The following ANO10 variants were observed in gnomAD, a reference collection of about 807,000 sequenced individuals.
The protein encoded by ANO10 is anoctamin 10, also known as anoctamin-10.
A neutral mutation model predicts 74.7 loss-of-function variants in ANO10; 77 were observed. That is an observed-to-expected ratio of 1.03 (90% CI 0.86 to 1.25). The LOEUF (loss-of-function observed/expected upper bound fraction) is 1.25, where lower values mean the gene tolerates loss of function less well. Among genes scored for constraint, ANO10 ranks in the 50% most tolerant of loss-of-function variants. The probability of loss-of-function intolerance (pLI) is 0.00; values close to 1 mark genes in which losing one functional copy is unlikely to be tolerated. For missense variants in ANO10, 721 were observed against 778.1 expected (o/e 0.93, Z 0.87); for synonymous variants, 279 against 284.9 (o/e 0.98, Z 0.21).
chr3:43,658,455 A>ATTAT (rs1553611120), intron 1 of ANO10, among the ~76,000 whole-genome samples: 2 of 150,768 alleles, frequency 1.3e-5, no homozygotes, highest in African/African-American at 4.9e-5. Context: ...ACCAAAGTTT[A>ATTAT]TATTATTATT....
chr3:43,591,439 C>T (rs183879405), intron 4 of ANO10, among the ~76,000 whole-genome samples: 186 of 152,294 alleles, frequency 1.2e-3, no homozygotes, highest in Non-Finnish European at 2.2e-3. Context: ...ACACTCACTG[C>T]ATGGCCCAAG....
intron 12 of ANO10, among the ~76,000 whole-genome samples, chr3:43,424,316 G>C (rs1179758742): frequency 6.6e-6 from 1 of 152,178 alleles, no homozygotes; most frequent in African/African-American, 2.4e-5. Flanking sequence ...GGCAAAGGCC[G>C]AACTAACTTT....
chr3:43,405,631 GC>G (rs2092562387), intron 12 of ANO10, among the ~76,000 whole-genome samples: 1 of 152,122 alleles, frequency 6.6e-6, no homozygotes, highest in East Asian at 1.9e-4. Flanking sequence ...GCACTATCAC[GC>G]CCGGTTAATT....
chr3:43,655,717 T>TA (rs1367242934), intron 1 of ANO10, among the ~76,000 whole-genome samples: 20 of 152,116 alleles, frequency 1.3e-4, no homozygotes, highest in African/African-American at 2.4e-4. Context: ...AGCAGCTAGA[T>TA]AGAGTGTTGA....
intron 8 of ANO10, among the ~76,000 whole-genome samples, chr3:43,563,816 T>C (rs1269237706): frequency 6.6e-6 from 1 of 151,962 alleles, no homozygotes; most frequent in African/African-American, 2.4e-5. Flanking sequence ...CTCATAGAGA[T>C]AGAGTGGGAC....
chr3:43,424,927 A>G (rs2092875890), intron 12 of ANO10, among the ~76,000 whole-genome samples: 1 of 152,132 alleles, frequency 6.6e-6, no homozygotes, highest in African/African-American at 2.4e-5. Flanking sequence ...CAGACAGGCC[A>G]CCCAAATGAT....
At chr3:43,674,700 G>A (rs2084100063) in intron 1 of ANO10, among the ~76,000 whole-genome samples, 1 of 152,190 alleles carries the variant, frequency 6.6e-6, no homozygotes, top group African/African-American at 2.4e-5. Context: ...AAGAGGGACT[G>A]GGTAGAGAGG....
chr3:43,600,279 C>T, intron 3 of ANO10, 105 bp downstream of exon 3: 1 of 1,284,440 alleles, frequency 7.8e-7, no homozygotes, highest in South Asian at 1.2e-5. Context: ...AAAATATTTA[C>T]TATTTGACCC....
intron 1 of ANO10, among the ~76,000 whole-genome samples, chr3:43,617,606 T>A (rs2083183110): frequency 7.1e-6 from 1 of 140,572 alleles, no homozygotes; most frequent in Non-Finnish European, 1.7e-5. Flanking sequence ...AGAAACACAC[T>A]GTGAGTTCAC....
chr3:43,483,319 T>A (rs191478490), intron 11 of ANO10, among the ~76,000 whole-genome samples: 1 of 152,356 alleles, frequency 6.6e-6, no homozygotes, highest in East Asian at 1.9e-4. Flanking sequence ...AGAGTTTTGG[T>A]GACCTTACAA....
intron 11 of ANO10, among the ~76,000 whole-genome samples, chr3:43,459,439 G>A (rs1292215524): frequency 6.6e-6 from 1 of 152,198 alleles, no homozygotes; most frequent in Non-Finnish European, 1.5e-5. Context: ...AAGAGGCTAA[G>A]GGTGAGGGAG....
Position 43,686,987 on chromosome 3 carries a change from G to C in ANO10, c.-12+4530C>G, listed in dbSNP as rs2084283910. On this transcript the variant is annotated intron_variant, in intron 1 of 3. Transcript: ENST00000413397. ...CTGCATGCAAATTAGAGTCCAAGAA[G>C]CCCTAAAGTCATGTGATTTTTTTTT... Among the ~76,000 whole-genome samples, 14 of 151,426 alleles carry C rather than the reference G, an allele frequency of 9.2e-5. No individual in the cohort carries two copies. In the South Asian group the frequency reaches 2.9e-3, roughly 32 times the overall value.
At chr3:43,544,206 T>A (rs1414069804) in intron 11 of ANO10, among the ~76,000 whole-genome samples, 1 of 152,170 alleles carries the variant, frequency 6.6e-6, no homozygotes, top group African/African-American at 2.4e-5. Flanking sequence ...ATTGATTTAA[T>A]CTTGAGAGCT....
chr3:43,686,872 A>G (rs899233500), intron 1 of ANO10, among the ~76,000 whole-genome samples: 3 of 152,188 alleles, frequency 2.0e-5, no homozygotes, highest in Non-Finnish European at 4.4e-5. Flanking sequence ...GAACACAGGC[A>G]TAACTAGGAG....
rs2080030333 is a variant in ANO10 at position 43,561,403 on chromosome 3, C to T, written c.1294-1G>A. On this transcript the variant is annotated splice_acceptor_variant, in intron 8 of 12. Transcript: ENST00000292246. LOFTEE classifies it high-confidence loss of function. ...AGGTAATTAGGAGAGTGGCCAAGCTCTAAAGAGAAGCACACAAATCACATT... is the reference window on the plus strand; with the variant it reads ...AGGTAATTAGGAGAGTGGCCAAGCTTTAAAGAGAAGCACACAAATCACATT... 1 of 1,613,582 alleles carries T rather than the reference C, an allele frequency of 6.2e-7. No homozygotes were observed. The highest frequency in any genetic ancestry group is 1.7e-5 in the Admixed American group (1 of 59,982).
At chr3:43,614,801 A>ATATATATATATG (rs61457264) in intron 1 of ANO10, among the ~76,000 whole-genome samples, 2,141 of 99,210 alleles carry the variant, frequency 0.022, 276 homozygotes, top group East Asian at 0.081. Context: ...ATATATATAT[A>ATATATATATATG]TAGGTTCATT....
chr3:43,552,694 C>T (rs1467362324), intron 10 of ANO10, among the ~76,000 whole-genome samples: 1 of 81,324 alleles, frequency 1.2e-5, no homozygotes, highest in Admixed American at 1.7e-4. Context: ...AATATTATCT[C>T]TGGATATATA....
chr3:43,393,669 G>A (rs1186241858), intron 12 of ANO10, among the ~76,000 whole-genome samples: 2 of 152,060 alleles, frequency 1.3e-5, no homozygotes, highest in Non-Finnish European at 2.9e-5. Flanking sequence ...CATTTACCAT[G>A]GGCACATATT....
At chr3:43,602,201 T>A (rs764321612) in intron 2 of ANO10, among the ~76,000 whole-genome samples, 1 of 152,182 alleles carries the variant, frequency 6.6e-6, no homozygotes, top group Non-Finnish European at 1.5e-5. Flanking sequence ...CCACAAATAT[T>A]TCTCTCAATA....
Sources: allele counts gnomAD v4.1 joint callset (sites outside exome capture counted in the v4.1 genomes callset), GRCh38; gene constraint gnomAD v4.1.1; transcripts MANE v1.5; gene names NCBI Gene and HGNC (gene_info 2026-07-23, HGNC 2026-07-21).